CFAP47: variants seen among roughly 807,000 people sequenced by gnomAD.
CFAP47 encodes the protein cilia and flagella associated protein 47.
CFAP47 carries 29 observed loss-of-function variants against 148.1 expected under a neutral mutation model. The observed-to-expected ratio is 0.20, with a 90% CI of 0.15 to 0.27. The LOEUF (loss-of-function observed/expected upper bound fraction) is 0.27. Ranked by LOEUF, CFAP47 falls within the 10% of genes least tolerant of loss-of-function variation. The pLI is 1.00. For missense variants in CFAP47, 1,872 were observed against 1,697.5 expected (o/e 1.10, Z -1.81); for synonymous variants, 664 against 577.3 (o/e 1.15, Z -2.15).
chrX:35,926,240 T>C, intron 2 of CFAP47, 72 bp downstream of exon 2: 1 of 859,314 alleles, frequency 1.2e-6, no homozygotes. Context: ...AAAGTAATAT[T>C]TTGTATTTTT....
At position 36,034,513 on chromosome X, in the gene CFAP47, A is replaced by G. The variant is rs192644466; in HGVS notation, c.3652-1182A>G. On this transcript the variant is annotated intron_variant, in intron 23 of 63. Transcript: ENST00000378653. ...ATTACTTGGAAATTTTCTTTAAAAA[A>G]GATTATTTCCTCTCCCTATTTATTT... 1.0e-3 allele frequency among the ~76,000 whole-genome samples: 115 copies of G among 111,385 alleles called. 1 individual carries two copies. The highest frequency in any genetic ancestry group is 3.6e-3 in the African/African-American group (111 of 30,845).
chrX:36,280,561 C>G lies in CFAP47; in HGVS notation c.7519C>G (p.Gln2507Glu), dbSNP rs1556003435. ...TGATGATTATGAGGAAGACACAGAT[C>G]AAGATCAAGCCCTCTCCTGTCTTGA... ...KHDDYEEDTD[Q>E]DQALSCLDSI... Residue 2507 changes from glutamine to glutamate, a missense_variant, in exon 50 of 64, where the codon CAA (glutamine) becomes GAA (glutamate). Coordinates refer to ENST00000378653, the MANE Select transcript of CFAP47 (RefSeq NM_001304548.2). The G allele has an allele frequency of 2.0e-6, 1 of 509,038 alleles. No homozygotes were observed. Among genetic ancestry groups the G allele is most frequent in the Non-Finnish European group, 3.5e-6 (1 of 284,096 alleles). The allele number at this position is 509,038 out of a possible 1,213,427, so 42.0% of individuals were successfully genotyped here. A position where few individuals can be genotyped will look rare whatever the true frequency, so the allele number is the denominator to read the frequency against.
intron 63 of CFAP47, among the ~76,000 whole-genome samples, chrX:36,380,070 C>T (rs1265925822): frequency 9.0e-6 from 1 of 111,710 alleles, no homozygotes; most frequent in Non-Finnish European, 1.9e-5. Context: ...TATTCAGTAA[C>T]CAAAGTTGCT....
intron 56 of CFAP47, among the ~76,000 whole-genome samples, chrX:36,316,638 C>T (rs1556011029): frequency 8.9e-6 from 1 of 111,925 alleles, no homozygotes; most frequent in African/African-American, 3.2e-5. Flanking sequence ...TGTGTCTCAT[C>T]CGTGACTGCA....
chrX:36,311,038 A>G, intron 56 of CFAP47, 49 bp downstream of exon 56: 1 of 724,180 alleles, frequency 1.4e-6, no homozygotes, highest in Non-Finnish European at 1.9e-6. Flanking sequence ...GGTATTTATC[A>G]GACTTATTTT....
chrX:36,340,070 G>A, intron 57 of CFAP47, among the ~76,000 whole-genome samples: 1 of 111,793 alleles, frequency 8.9e-6, no homozygotes, highest in Non-Finnish European at 1.9e-5. Context: ...CTCTACGAAA[G>A]GTTAACAAGG....
intron 29 of CFAP47, among the ~76,000 whole-genome samples, chrX:36,083,361 C>CAT (rs1413182386): frequency 9.1e-6 from 1 of 109,925 alleles, no homozygotes; most frequent in Non-Finnish European, 1.9e-5. Context: ...TATATATGCA[C>CAT]ATATATATAG....
intron 2 of CFAP47, among the ~76,000 whole-genome samples, chrX:35,933,476 A>G (rs917547106): frequency 7.1e-5 from 8 of 112,109 alleles, no homozygotes; most frequent in Admixed American, 4.7e-4. Context: ...GTTGATGGAC[A>G]CTTGGGTTGC....
chrX:36,311,694 A>G (rs1366307556), intron 56 of CFAP47, among the ~76,000 whole-genome samples: 4 of 111,143 alleles, frequency 3.6e-5, no homozygotes, highest in African/African-American at 1.3e-4. Context: ...GAATGTTTAT[A>G]CTTTTGCAAT....
intron 33 of CFAP47, among the ~76,000 whole-genome samples, chrX:36,109,751 G>A (rs754654351): frequency 1.6e-3 from 181 of 111,830 alleles, no homozygotes; most frequent in Non-Finnish European, 3.0e-3. Context: ...TGGGATTGCA[G>A]GCCTGAGCCA....
intron 4 of CFAP47, 51 bp downstream of exon 4, chrX:35,948,503 C>T: frequency 1.0e-6 from 1 of 971,017 alleles, no homozygotes; most frequent in South Asian, 2.2e-5. Flanking sequence ...TCAATGCTTT[C>T]CCGTTTAACC....
At chrX:35,973,252 T>C (rs763617594) in intron 13 of CFAP47, among the ~76,000 whole-genome samples, 2 of 111,430 alleles carry the variant, frequency 1.8e-5, no homozygotes, top group East Asian at 5.7e-4. Flanking sequence ...TGCAGTGGTG[T>C]GATCTCAGCT....
chrX:36,305,916 A>G (rs905309043), intron 54 of CFAP47, among the ~76,000 whole-genome samples: 21 of 111,143 alleles, frequency 1.9e-4, no homozygotes, highest in Non-Finnish European at 2.1e-4. Context: ...TAAACAGGTG[A>G]CTGTGTTCTA....
chrX:36,231,219 T>C (rs1393036603), intron 46 of CFAP47, among the ~76,000 whole-genome samples: 14 of 110,751 alleles, frequency 1.3e-4, no homozygotes, highest in Non-Finnish European at 1.9e-4. Flanking sequence ...GCCATTTTCA[T>C]GATATTGATT....
chrX:36,003,984 T>C (rs868247151), intron 21 of CFAP47, among the ~76,000 whole-genome samples: 6 of 96,495 alleles, frequency 6.2e-5, no homozygotes, highest in African/African-American at 1.6e-4. Flanking sequence ...TTTTTTTTTT[T>C]TTTTTTTAGA....
chrX:36,028,523 G>T, intron 22 of CFAP47, among the ~76,000 whole-genome samples: 1 of 111,027 alleles, frequency 9.0e-6, no homozygotes, highest in Non-Finnish European at 1.9e-5. Flanking sequence ...CCCATTTGTT[G>T]TGTCATCTGT....
rs370349420 is a variant in CFAP47, at chrX:35,980,260, T to C, written c.2713+4347T>C. ...CAGTTTCTTTCCCATACCCCTGATA[T>C]ACTTAATATTCCTGAAGAAAAAATA... On this transcript the variant is annotated intron_variant, in intron 15 of 63. Transcript: ENST00000378653. Among the ~76,000 whole-genome samples the C allele has an allele frequency of 1.2e-3, 138 of 112,078 alleles. 2 individuals are homozygous for C. In the South Asian group the frequency reaches 0.049, roughly 39 times the overall value.
Position 36,291,628 on chromosome X carries a change from C to CAA in CFAP47, c.7686+5914_7686+5915dup, listed in dbSNP as rs58205535. On this transcript the variant is annotated intron_variant, in intron 51 of 63. Coordinates refer to ENST00000378653, the MANE Select transcript of CFAP47 (RefSeq NM_001304548.2). ...TATGCAAGTTCAAACACCTGACATG[C>CAA]AAAAAAAAAAAAACATGGCAAATAC... Among the ~76,000 whole-genome samples, 150 of 95,039 alleles carry CAA rather than the reference C, an allele frequency of 1.6e-3. 1 individual carries two copies. The highest frequency in any genetic ancestry group is 2.8e-3 in the Non-Finnish European group (130 of 46,674). 82.5% of individuals were successfully genotyped at this position (95,039 alleles called of 115,157 possible). A position where few individuals can be genotyped will look rare whatever the true frequency, so the allele number is the denominator to read the frequency against.
intron 59 of CFAP47, among the ~76,000 whole-genome samples, chrX:36,350,688 A>ATTT (rs200627025): frequency 1.0e-5 from 1 of 99,583 alleles, no homozygotes; most frequent in Non-Finnish European, 2.0e-5. Flanking sequence ...ATTATTATTT[A>ATTT]TTTATTTTTT....
Sources: gnomAD v4.1 joint callset for allele counts (sites outside exome capture counted in the v4.1 genomes callset) on GRCh38, gnomAD v4.1.1 for gene constraint, MANE v1.5 for transcripts, NCBI Gene and HGNC (gene_info 2026-07-23, HGNC 2026-07-21) for gene names.